The following RPS6KC1 variants were observed in gnomAD, a reference collection of about 807,000 sequenced individuals.
RPS6KC1 encodes the protein ribosomal protein S6 kinase C1.
In RPS6KC1, 54 loss-of-function variants were observed where a neutral mutation model predicts 103.8. The ratio of observed to expected loss-of-function variants is 0.52; its 90% CI spans 0.42 to 0.65. RPS6KC1 has a LOEUF of 0.65. RPS6KC1 is among the 30% of genes least tolerant of loss of function. The pLI is 0.00. For synonymous variants in RPS6KC1, 439 were observed against 438.7 expected (o/e 1.00, Z -0.01); for missense variants, 1,151 against 1,253.8 (o/e 0.92, Z 1.24).
the RPS6KC1 span, chr1:213,821,354 T>C: frequency 1.3e-5 from 2 of 152,124 alleles, no homozygotes; most frequent in African/African-American, 4.8e-5. Context: ...ATGCCAGCCC[T>C]CCTTTTCCCC....
chr1:213,761,607 C>T, the RPS6KC1 span, among the ~76,000 whole-genome samples: 53 of 152,328 alleles, frequency 3.5e-4, no homozygotes, highest in African/African-American at 1.2e-3. Context: ...CTAGGAATGG[C>T]GGACAGGCAA....
chr1:213,729,232 G>A, the RPS6KC1 span, among the ~76,000 whole-genome samples: 1 of 152,068 alleles, frequency 6.6e-6, no homozygotes, highest in Non-Finnish European at 1.5e-5. Context: ...GAAGTAAGCA[G>A]GTTACCTCTT....
At chr1:213,316,618 A>G in the RPS6KC1 span, among the ~76,000 whole-genome samples, 1 of 152,172 alleles carries the variant, frequency 6.6e-6, no homozygotes, top group African/African-American at 2.4e-5. Context: ...GAGGCAGATG[A>G]TGAACAAATT....
the RPS6KC1 span, among the ~76,000 whole-genome samples, chr1:213,653,018 T>TA: frequency 6.6e-6 from 1 of 152,158 alleles, no homozygotes; most frequent in African/African-American, 2.4e-5. Context: ...ACTTTGACAG[T>TA]AAAAATGTAT....
chr1:213,686,605 A>G, the RPS6KC1 span, among the ~76,000 whole-genome samples: 3 of 152,100 alleles, frequency 2.0e-5, no homozygotes, highest in South Asian at 4.1e-4. Context: ...AGCATATAAC[A>G]TGTTTTTATC....
chr1:213,604,780 G>C, the RPS6KC1 span, among the ~76,000 whole-genome samples: 35 of 152,294 alleles, frequency 2.3e-4, no homozygotes, highest in East Asian at 3.7e-3. Context: ...CTGTGCTCAG[G>C]CCTGATCCCA....
the RPS6KC1 span, among the ~76,000 whole-genome samples, chr1:213,586,275 C>G: frequency 6.6e-6 from 1 of 152,322 alleles, no homozygotes; most frequent in Non-Finnish European, 1.5e-5. Flanking sequence ...ACCAAGACTT[C>G]ATTTAAATTA....
the RPS6KC1 span, among the ~76,000 whole-genome samples, chr1:213,499,770 A>G: frequency 6.6e-6 from 1 of 152,214 alleles, no homozygotes; most frequent in African/African-American, 2.4e-5. Context: ...TATTGCTCCT[A>G]GACTACAAAC....
chr1:213,454,049 CTA>C, the RPS6KC1 span, among the ~76,000 whole-genome samples: 1 of 152,004 alleles, frequency 6.6e-6, no homozygotes, highest in African/African-American at 2.4e-5. Context: ...TGTTAATCCA[CTA>C]TGTTATTGGT....
the RPS6KC1 span, among the ~76,000 whole-genome samples, chr1:213,562,116 A>G: frequency 6.6e-6 from 1 of 152,208 alleles, no homozygotes; most frequent in South Asian, 2.1e-4. Flanking sequence ...AGTATTGTTA[A>G]AGGTCTTATG....
At chr1:213,746,809 A>G in the RPS6KC1 span, among the ~76,000 whole-genome samples, 1 of 152,102 alleles carries the variant, frequency 6.6e-6, no homozygotes, top group Non-Finnish European at 1.5e-5. Context: ...GGTTGGTAGT[A>G]GGCAGAGGTT....
At chr1:213,724,192 A>G in the RPS6KC1 span, among the ~76,000 whole-genome samples, 1 of 152,092 alleles carries the variant, frequency 6.6e-6, no homozygotes, top group African/African-American at 2.4e-5. Flanking sequence ...GGTTGAAGTG[A>G]TCCTCCTGCC....
chr1:213,737,916 G>A, the RPS6KC1 span, among the ~76,000 whole-genome samples: 65 of 152,160 alleles, frequency 4.3e-4, 1 homozygote, highest in Admixed American at 3.6e-3. Context: ...TGCTAATCTC[G>A]GAACAGTTTG....
chr1:213,744,896 G>A, the RPS6KC1 span, among the ~76,000 whole-genome samples: 2 of 152,332 alleles, frequency 1.3e-5, no homozygotes, highest in Admixed American at 6.5e-5. Flanking sequence ...TGCCTGGGGG[G>A]AACAGGCTCT....
chr1:213,575,657 C>T, the RPS6KC1 span, among the ~76,000 whole-genome samples: 1 of 152,192 alleles, frequency 6.6e-6, no homozygotes, highest in Non-Finnish European at 1.5e-5. Flanking sequence ...GTCAATTAAA[C>T]CTCTTTCCTT....
rs752747801 is a variant in RPS6KC1 at position 213,074,843 on chromosome 1, ATTTT to A, written c.142-2826_142-2823del. On this transcript the variant is annotated intron_variant, in intron 2 of 14. Coordinates refer to ENST00000366960, the MANE Select transcript of RPS6KC1 (RefSeq NM_012424.6). Reference sequence around the variant, plus strand: ...TTTAAAAATGACTTAACTAGAATAAATTTTTTTTTTTTTTTTTTTTTTTTTTTTT... The same window carrying A: ...TTTAAAAATGACTTAACTAGAATAAATTTTTTTTTTTTTTTTTTTTTTTTT... Among the ~76,000 whole-genome samples the A allele has an allele frequency of 6.1e-3, 434 of 71,254 alleles. 3 individuals carry two copies. Among genetic ancestry groups the A allele is most frequent in the African/African-American group, 0.025 (406 of 16,502 alleles). The allele number at this position is 71,254 out of a possible 152,430, so 46.7% of individuals were successfully genotyped here. A position where few individuals can be genotyped will look rare whatever the true frequency, so the allele number is the denominator to read the frequency against.
In RPS6KC1 at chr1:213,213,087, T is replaced by C. The variant is rs116395558; in HGVS notation, c.1045-17410T>C. On this transcript the variant is annotated intron_variant, in intron 8 of 14. Coordinates refer to ENST00000366960, the MANE Select transcript of RPS6KC1 (RefSeq NM_012424.6). ...ATTTTAACAAAGTCTATCTTATCAA[T>C]TGTTTCTTTCATACGAGTGGGTTCT... Among the ~76,000 whole-genome samples, 663 of 152,332 alleles carry C rather than the reference T, an allele frequency of 4.4e-3. 4 individuals carry two copies. Among genetic ancestry groups the C allele is most frequent in the African/African-American group, 0.015 (639 of 41,574 alleles).
At chr1:213,756,133 G>A in the RPS6KC1 span, among the ~76,000 whole-genome samples, 1 of 152,216 alleles carries the variant, frequency 6.6e-6, no homozygotes, top group Non-Finnish European at 1.5e-5. Context: ...TCTTACCTGT[G>A]AGCTTGAACA....
At chr1:213,092,081 T>G (rs2081017225) in intron 3 of RPS6KC1, among the ~76,000 whole-genome samples, 1 of 152,176 alleles carries the variant, frequency 6.6e-6, no homozygotes, top group African/African-American at 2.4e-5. Flanking sequence ...TTTATTACCA[T>G]TGCTTTTAGA....
Sources: gnomAD v4.1 joint callset for allele counts (sites outside exome capture counted in the v4.1 genomes callset) on GRCh38, gnomAD v4.1.1 for gene constraint, MANE v1.5 for transcripts, NCBI Gene and HGNC (gene_info 2026-07-23, HGNC 2026-07-21) for gene names.